The following TMEM154 variants were observed in gnomAD, a reference collection of about 807,000 sequenced individuals.
TMEM154 encodes the protein transmembrane protein 154.
TMEM154 carries 27 observed loss-of-function variants against 24.5 expected under a neutral mutation model. The ratio of observed to expected loss-of-function variants is 1.10; its 90% CI spans 0.81 to 1.52. The LOEUF (loss-of-function observed/expected upper bound fraction) is 1.52, where lower values mean the gene tolerates loss of function less well. Ranked by LOEUF, TMEM154 falls within the 40% of genes most tolerant of loss-of-function variation. The pLI is 0.00. For missense variants in TMEM154, 228 were observed against 213.4 expected, an observed-to-expected ratio of 1.07 and a Z score of -0.43; for synonymous variants, 67 against 76.8, an observed-to-expected ratio of 0.87 and a Z score of 0.67.
intron 3 of TMEM154, chr4:152,646,959 A>C: frequency 1.4e-6 from 1 of 704,058 alleles, no homozygotes; most frequent in Non-Finnish European, 2.6e-6. Flanking sequence ...GAGACCTCAC[A>C]CATCAAGACA....
At chr4:152,642,686 C>G (rs770018026) in intron 5 of TMEM154, among the ~76,000 whole-genome samples, 2 of 152,076 alleles carry the variant, frequency 1.3e-5, no homozygotes, top group African/African-American at 4.8e-5. Flanking sequence ...TTATCTATTA[C>G]GTTGAACAGC....
chr4:152,666,407 G>T (rs1728723149), intron 1 of TMEM154: 2 of 152,134 alleles, frequency 1.3e-5, no homozygotes, highest in Non-Finnish European at 2.9e-5. Context: ...ATTTTAATTT[G>T]CCATTGTTCG....
At chr4:152,646,583 C>A (rs1728242077) in intron 3 of TMEM154, 1 of 204,890 alleles carries the variant, frequency 4.9e-6, no homozygotes. Flanking sequence ...GAGGCAAATG[C>A]AGCTCTTACA....
At chr4:152,635,605 C>T (rs995445671) in intron 6 of TMEM154, among the ~76,000 whole-genome samples, 7 of 152,078 alleles carry the variant, frequency 4.6e-5, no homozygotes. Flanking sequence ...AGGAAGAAAT[C>T]CACAAAATTC....
rs963082371 is a variant in TMEM154 at position 152,623,111 on chromosome 4, A to C, written c.*5435T>G. 6.6e-6 allele frequency: 1 copy of C among 152,160 alleles called. No homozygotes were observed. Among genetic ancestry groups the C allele is most frequent in the African/African-American group, 2.4e-5 (1 of 41,450 alleles). 9.4% of individuals were successfully genotyped at this position (152,160 alleles called of 1,614,324 possible). On this transcript the variant is annotated 3_prime_UTR_variant, in exon 7 of 7. Transcript: ENST00000304385. ...GTGGACTCCCAAAGTGTTGGGAAGTAAGCCACTGTGCCTGGCTGGGACCAC... is the reference window on the plus strand; with the variant it reads ...GTGGACTCCCAAAGTGTTGGGAAGTCAGCCACTGTGCCTGGCTGGGACCAC...
At chr4:152,631,857 T>A (rs908701074) in intron 6 of TMEM154, among the ~76,000 whole-genome samples, 2 of 122,062 alleles carry the variant, frequency 1.6e-5, no homozygotes, top group African/African-American at 6.4e-5. Flanking sequence ...CAGGCTGGAG[T>A]GCAGTGGTGC....
Position 152,654,027 on chromosome 4 carries a change from G to A in TMEM154, c.65-1100C>T, listed in dbSNP as rs1406725763. Among the ~76,000 whole-genome samples the A allele has an allele frequency of 4.1e-5, 6 of 146,378 alleles. No homozygotes were observed. The South Asian group carries it at 8.7e-4, about 21-fold the overall frequency. ...GCACTTCAGCCTAGGCAACAAGAGC[G>A]ACACTCCATCTCAAAAAAAAAAGAA... On this transcript the variant is annotated intron_variant, in intron 1 of 6. Transcript: ENST00000304385.
At chr4:152,652,308 A>C (rs1184474514) in intron 3 of TMEM154, among the ~76,000 whole-genome samples, 1 of 151,728 alleles carries the variant, frequency 6.6e-6, no homozygotes. Flanking sequence ...TGTAAAGTGC[A>C]ATAAAGCAAA....
chr4:152,649,114 G>C (rs188491945), intron 3 of TMEM154, among the ~76,000 whole-genome samples: 9 of 152,350 alleles, frequency 5.9e-5, no homozygotes, highest in Non-Finnish European at 8.8e-5. Flanking sequence ...GATTCCTCTG[G>C]CACAGAGACA....
chr4:152,667,477 G>A (rs147824659), intron 1 of TMEM154, among the ~76,000 whole-genome samples: 36 of 152,270 alleles, frequency 2.4e-4, no homozygotes, highest in Admixed American at 6.5e-4. Context: ...CCACGTAAAG[G>A]TCAGGTGACT....
chr4:152,672,773 C>T (rs1728875205), intron 1 of TMEM154, among the ~76,000 whole-genome samples: 1 of 152,226 alleles, frequency 6.6e-6, no homozygotes, highest in African/African-American at 2.4e-5. Context: ...ACAAGGCACT[C>T]ATCCCCTAAT....
chr4:152,632,022 T>G (rs551100668), intron 6 of TMEM154, among the ~76,000 whole-genome samples: 167 of 151,840 alleles, frequency 1.1e-3, no homozygotes, highest in African/African-American at 3.8e-3. Flanking sequence ...TTAGCCAGGA[T>G]GGTCTCGATC....
intron 6 of TMEM154, chr4:152,639,914 A>T (rs1752224133): frequency 6.5e-6 from 1 of 152,854 alleles, no homozygotes. Context: ...TTGTCTGAGT[A>T]AGACTGTGGT....
At chr4:152,667,162 A>G (rs564101681) in intron 1 of TMEM154, 2 of 152,346 alleles carry the variant, frequency 1.3e-5, no homozygotes, top group Non-Finnish European at 2.9e-5. Flanking sequence ...TGACTGAAGG[A>G]AATGTCCAAT....
intron 4 of TMEM154, among the ~76,000 whole-genome samples, chr4:152,643,707 T>G (rs1419081419): frequency 6.6e-6 from 1 of 152,184 alleles, no homozygotes; most frequent in Non-Finnish European, 1.5e-5. Context: ...AAGCTCAAAG[T>G]GCACAGTCAG....
At chr4:152,628,661 G>C in intron 6 of TMEM154, 100 bp from the exon 7 acceptor site, 1 of 1,282,800 alleles carries the variant, frequency 7.8e-7, no homozygotes, top group Non-Finnish European at 1.0e-6. Context: ...TTTTGAGACG[G>C]AGTCTGGCTC....
At position 152,670,842 on chromosome 4, in the gene TMEM154, T is replaced by TTAAC. The variant is rs1288295219; in HGVS notation, c.64+9024_64+9027dup. Reference sequence around the variant, plus strand: ...CCACTACACTTTTGTTGTGTGCCTATTAACGTGCAAGTGGCCATTCTAAGT... The same window carrying TTAAC: ...CCACTACACTTTTGTTGTGTGCCTATTAACTAACGTGCAAGTGGCCATTCTAAGT... On this transcript the variant is annotated intron_variant, in intron 1 of 6. Coordinates refer to ENST00000304385, the MANE Select transcript of TMEM154 (RefSeq NM_152680.3). 3.3e-5 allele frequency among the ~76,000 whole-genome samples: 5 copies of TTAAC among 152,298 alleles called. No individual in the cohort carries two copies. In the East Asian group the frequency reaches 9.6e-4, roughly 29 times the overall value.
Position 152,672,234 on chromosome 4 carries a change from G to T in TMEM154, c.64+7636C>A, listed in dbSNP as rs754017619. Among the ~76,000 whole-genome samples, 63 of 152,060 alleles carry T rather than the reference G, an allele frequency of 4.1e-4. 1 individual carries two copies. The highest frequency in any genetic ancestry group is 7.6e-4 in the Non-Finnish European group (52 of 68,016). On this transcript the variant is annotated intron_variant, in intron 1 of 6. Coordinates refer to ENST00000304385, the MANE Select transcript of TMEM154 (RefSeq NM_152680.3). Reference sequence around the variant, plus strand: ...ATCGTGCCACTGTACTATACAGCCTGGGTGACAAAGTGAAACCCTTAAGAA... The same window carrying T: ...ATCGTGCCACTGTACTATACAGCCTTGGTGACAAAGTGAAACCCTTAAGAA...
intron 5 of TMEM154, 90 bp from the exon 6 acceptor site, chr4:152,641,075 T>G: frequency 2.4e-6 from 3 of 1,261,108 alleles, no homozygotes; most frequent in South Asian, 1.4e-5. Context: ...CATAGTTCTC[T>G]GATCTGCGTG....
Sources: allele counts gnomAD v4.1 joint callset (sites outside exome capture counted in the v4.1 genomes callset), GRCh38; gene constraint gnomAD v4.1.1; transcripts MANE v1.5; gene names NCBI Gene and HGNC (gene_info 2026-07-23, HGNC 2026-07-21).